Variants in TAB2 observed in about 807,000 individuals in gnomAD.
TAB2 encodes the protein TGF-beta activated kinase 1 (MAP3K7) binding protein 2.
In TAB2, 3 loss-of-function variants were observed where a neutral mutation model predicts 65.0. The observed-to-expected ratio is 0.05, with a 90% CI of 0.02 to 0.12. TAB2 has a LOEUF of 0.12. TAB2 is among the 10% of genes least tolerant of loss of function. The pLI is 1.00. For missense variants in TAB2, 623 were observed against 840.3 expected, an observed-to-expected ratio of 0.74 and a Z score of 3.20; for synonymous variants, 298 against 285.1, an observed-to-expected ratio of 1.05 and a Z score of -0.46.
At chr6:149,257,141 C>G (rs1166600087) in intron 1 of TAB2, among the ~76,000 whole-genome samples, 1 of 152,208 alleles carries the variant, frequency 6.6e-6, no homozygotes, top group African/African-American at 2.4e-5. Context: ...ATTGAATCTT[C>G]CTTTCAACAG....
At chr6:149,236,873 T>A (rs1205519888) in intron 1 of TAB2, among the ~76,000 whole-genome samples, 2 of 152,194 alleles carry the variant, frequency 1.3e-5, no homozygotes, top group East Asian at 3.8e-4. Flanking sequence ...AGGAGACCAG[T>A]CAGCCAGAAG....
chr6:149,288,427 C>T (rs1778715629), intron 1 of TAB2, among the ~76,000 whole-genome samples: 1 of 152,204 alleles, frequency 6.6e-6, no homozygotes, highest in African/African-American at 2.4e-5. Flanking sequence ...TGTCTGTCAC[C>T]AGGTCCTTTT....
intron 1 of TAB2, among the ~76,000 whole-genome samples, chr6:149,278,720 AG>A (rs1229240840): frequency 6.6e-6 from 1 of 152,196 alleles, no homozygotes; most frequent in Non-Finnish European, 1.5e-5. Flanking sequence ...AACAGAAAGA[AG>A]AAAAAAGGAG....
intron 1 of TAB2, among the ~76,000 whole-genome samples, chr6:149,364,624 C>T (rs959085217): frequency 2.6e-5 from 4 of 151,140 alleles, no homozygotes; most frequent in African/African-American, 9.8e-5. Flanking sequence ...AGCATGGTAT[C>T]TCCTGCATAC....
intron 5 of TAB2, 114 bp from the exon 6 acceptor site, chr6:149,398,989 TA>T: frequency 1.1e-6 from 1 of 900,332 alleles, no homozygotes; most frequent in Non-Finnish European, 1.7e-6. Context: ...AGGGGCAAAA[TA>T]AATGAAAAGC....
At chr6:149,240,731 TG>T (rs1418130322) in intron 1 of TAB2, among the ~76,000 whole-genome samples, 1 of 152,214 alleles carries the variant, frequency 6.6e-6, no homozygotes, top group Non-Finnish European at 1.5e-5. Flanking sequence ...TGTCCAATTT[TG>T]TTTATTATTT....
chr6:149,349,275 C>T (rs1452129886), intron 1 of TAB2, among the ~76,000 whole-genome samples: 6 of 151,728 alleles, frequency 4.0e-5, no homozygotes, highest in Admixed American at 3.3e-4. Flanking sequence ...AAAAACTTAG[C>T]CAGGCACGGT....
chr6:149,266,477 G>A (rs1377236755), intron 1 of TAB2, among the ~76,000 whole-genome samples: 1 of 152,206 alleles, frequency 6.6e-6, no homozygotes, highest in East Asian at 1.9e-4. Flanking sequence ...AGGGGCCCTT[G>A]ACCACATTTG....
chr6:149,301,687 C>T (rs1455842812), intron 1 of TAB2, among the ~76,000 whole-genome samples: 2 of 152,184 alleles, frequency 1.3e-5, no homozygotes, highest in African/African-American at 4.8e-5. Flanking sequence ...AATGTTTCCA[C>T]ATAACATTTC....
At chr6:149,223,817 A>G (rs1179954930) in intron 1 of TAB2, among the ~76,000 whole-genome samples, 1 of 152,156 alleles carries the variant, frequency 6.6e-6, no homozygotes, top group East Asian at 1.9e-4. Flanking sequence ...CTTCAAAGCC[A>G]TATTTTAAAA....
At chr6:149,292,591 C>T (rs557151045) in intron 1 of TAB2, among the ~76,000 whole-genome samples, 2 of 150,656 alleles carry the variant, frequency 1.3e-5, no homozygotes, top group Non-Finnish European at 3.0e-5. Flanking sequence ...TTTGAAAAAA[C>T]ACTGAACTAT....
chr6:149,237,360 T>C (rs1777513659), intron 1 of TAB2, among the ~76,000 whole-genome samples: 2 of 152,180 alleles, frequency 1.3e-5, no homozygotes. Context: ...GACTTTCACA[T>C]CTGTTAAGGA....
chr6:149,325,900 C>T (rs1361363741), intron 1 of TAB2, among the ~76,000 whole-genome samples: 1 of 152,102 alleles, frequency 6.6e-6, no homozygotes, highest in Non-Finnish European at 1.5e-5. Flanking sequence ...CCACAACGCT[C>T]AGCTTACTTT....
intron 1 of TAB2, among the ~76,000 whole-genome samples, chr6:149,367,961 A>G (rs1170786727): frequency 6.6e-6 from 1 of 152,152 alleles, no homozygotes; most frequent in Non-Finnish European, 1.5e-5. Flanking sequence ...TGTTAGTCTC[A>G]AGGAAGAGAT....
chr6:149,317,037 G>A (rs1388750272), upstream of TAB2, among the ~76,000 whole-genome samples: 14 of 150,234 alleles, frequency 9.3e-5, 1 homozygote, highest in South Asian at 1.7e-3. The surrounding 1 kb of genome is among the most constrained non-coding windows in gnomAD (Gnocchi z 4.7). Context: ...GCAGCGCCCC[G>A]GGGTCCGGCC....
upstream of TAB2, among the ~76,000 whole-genome samples, chr6:149,315,985 T>C (rs1409854306): frequency 2.6e-5 from 4 of 152,222 alleles, no homozygotes; most frequent in Non-Finnish European, 4.4e-5. Flanking sequence ...TCAAAAGCAA[T>C]TGTTGCCTCT....
At chr6:149,381,081 T>A (rs1454740556) in intron 3 of TAB2, among the ~76,000 whole-genome samples, 1 of 152,206 alleles carries the variant, frequency 6.6e-6, no homozygotes, top group East Asian at 1.9e-4. Flanking sequence ...GGGCAACATA[T>A]CGAGATCCCT....
chr6:149,270,868 T>C (rs1049950839), intron 1 of TAB2, among the ~76,000 whole-genome samples: 1 of 152,070 alleles, frequency 6.6e-6, no homozygotes, highest in Non-Finnish European at 1.5e-5. Flanking sequence ...GAAGATGACA[T>C]AGAGGAGGTA....
At chr6:149,387,924 T>G (rs1272685356) in intron 3 of TAB2, among the ~76,000 whole-genome samples, 1 of 152,184 alleles carries the variant, frequency 6.6e-6, no homozygotes, top group East Asian at 1.9e-4. Context: ...AGACCTTAAG[T>G]AGTTGCTAAT....
Sources: allele counts gnomAD v4.1 joint callset (sites outside exome capture counted in the v4.1 genomes callset), GRCh38; gene constraint gnomAD v4.1.1; non-coding constraint Gnocchi (gnomAD v3.1); transcripts MANE v1.5; gene names NCBI Gene and HGNC (gene_info 2026-07-23, HGNC 2026-07-21).